NAV1: variants seen among roughly 807,000 people sequenced by gnomAD.
NAV1 encodes neuron navigator 1, also known as pore membrane and/or filament interacting like protein 3.
A neutral mutation model predicts 175.2 loss-of-function variants in NAV1; 18 were observed. The observed-to-expected ratio is 0.10, with a 90% CI of 0.07 to 0.15. The LOEUF is 0.15. Among genes scored for constraint, NAV1 ranks in the 10% least tolerant of loss-of-function variants. The pLI, the probability that NAV1 is intolerant of heterozygous loss-of-function variation, is 1.00. For synonymous variants in NAV1, 897 were observed against 978.7 expected, an observed-to-expected ratio of 0.92 and a Z score of 1.56; for missense variants, 1,731 against 2,436.6, an observed-to-expected ratio of 0.71 and a Z score of 6.10.
chr1:201,764,705 G>T (rs1308866698), intron 3 of NAV1, among the ~76,000 whole-genome samples: 1 of 152,184 alleles, frequency 6.6e-6, no homozygotes, highest in Non-Finnish European at 1.5e-5. Context: ...CTAAAGCAGG[G>T]TGTTAGGAGG....
intron 1 of NAV1, among the ~76,000 whole-genome samples, chr1:201,710,161 T>TAA (rs33912942): frequency 2.7e-5 from 4 of 146,620 alleles, no homozygotes; most frequent in Non-Finnish European, 1.5e-5. Flanking sequence ...CATTTTTCCT[T>TAA]AAAAAAAAAA....
At chr1:201,756,870 T>TTCTTTCTTTC (rs1674538401) in intron 3 of NAV1, among the ~76,000 whole-genome samples, 3 of 109,818 alleles carry the variant, frequency 2.7e-5, no homozygotes, top group Non-Finnish European at 3.7e-5. Context: ...CTTTCTTTCT[T>TTCTTTCTTTC]TCTTTCTTTC....
chr1:201,602,651 G>GTTTTTTTTTT (rs375268009), intron 2 of NAV1, among the ~76,000 whole-genome samples: 1 of 112,752 alleles, frequency 8.9e-6, no homozygotes, highest in African/African-American at 3.2e-5. Flanking sequence ...TTTTTTTTTG[G>GTTTTTTTTTT]TTTTTTTTTT....
At position 201,810,243 on chromosome 1, in the gene NAV1, A is replaced by T. The variant is rs1192503566; in HGVS notation, c.4561+138A>T. 1 of 1,266,846 alleles carries T rather than the reference A, an allele frequency of 7.9e-7. No homozygotes were observed. Among genetic ancestry groups the T allele is most frequent in the South Asian group, 1.5e-5 (1 of 67,124 alleles). 78.5% of individuals were successfully genotyped at this position (1,266,846 alleles called of 1,614,324 possible). A position where few individuals can be genotyped will look rare whatever the true frequency, so the allele number is the denominator to read the frequency against. The stretch of plus-strand genomic sequence containing the variant: ...AAGATGCTTAAGTAATGTGAGATAT[A>T]AAAAGATGAGTAAGACCCAGTCCTA... On this transcript the variant is annotated intron_variant, in intron 23 of 29. Transcript: ENST00000367296. This position sits in a 1 kb window ranked among gnomAD's most constrained non-coding sequence, Gnocchi z 6.0.
chr1:201,815,545 A>T (rs1678972469), intron 28 of NAV1, among the ~76,000 whole-genome samples: 1 of 152,134 alleles, frequency 6.6e-6, no homozygotes, highest in Non-Finnish European at 1.5e-5. Context: ...TCAGAGCAGC[A>T]GAAAGTAGAA....
At chr1:201,563,424 C>A (rs750938395) in intron 1 of NAV1, among the ~76,000 whole-genome samples, 1 of 151,776 alleles carries the variant, frequency 6.6e-6, no homozygotes, top group Non-Finnish European at 1.5e-5. Flanking sequence ...GAAAAGCATA[C>A]GAGACCACAA....
intron 1 of NAV1, among the ~76,000 whole-genome samples, chr1:201,666,173 CGAT>C (rs1669816236): frequency 6.6e-6 from 1 of 152,024 alleles, no homozygotes; most frequent in African/African-American, 2.4e-5. Flanking sequence ...ACTGGGCCTC[CGAT>C]CTGCCCATGG....
At chr1:201,714,869 C>T (rs1672069041) in intron 2 of NAV1, among the ~76,000 whole-genome samples, 2 of 152,184 alleles carry the variant, frequency 1.3e-5, no homozygotes, top group Admixed American at 6.5e-5. Flanking sequence ...AGCAGCCAGC[C>T]CCCAGTCCCT....
intron 2 of NAV1, among the ~76,000 whole-genome samples, chr1:201,608,400 C>T (rs1308770433): frequency 6.6e-6 from 1 of 152,178 alleles, no homozygotes; most frequent in Non-Finnish European, 1.5e-5. Context: ...CTCAGATGCC[C>T]CTCTTGCTGT....
exon 30 of NAV1, chr1:201,825,558 C>T (rs1381008949): frequency 2.0e-5 from 3 of 152,306 alleles, no homozygotes; most frequent in Non-Finnish European, 2.9e-5. Context: ...CAGACCTGGG[C>T]ACTTCAGTCC....
At chr1:201,567,866 C>A (rs200159400) in intron 1 of NAV1, among the ~76,000 whole-genome samples, 1 of 151,790 alleles carries the variant, frequency 6.6e-6, no homozygotes, top group Non-Finnish European at 1.5e-5. Context: ...GCCTGCACAT[C>A]GAGAATGTCC....
chr1:201,576,531 A>G (rs1248706957), intron 1 of NAV1, among the ~76,000 whole-genome samples: 1 of 152,130 alleles, frequency 6.6e-6, no homozygotes, highest in Non-Finnish European at 1.5e-5. Flanking sequence ...CCTTGAGCCC[A>G]GGAGTTCAAG....
At chr1:201,739,992 C>A in intron 3 of NAV1, 1 of 1,453,796 alleles carries the variant, frequency 6.9e-7, no homozygotes, top group East Asian at 2.8e-5. Context: ...GCTGGGTGCC[C>A]ACCCGGTGAA....
At chr1:201,571,135 C>T (rs1350904195) in intron 1 of NAV1, among the ~76,000 whole-genome samples, 1 of 152,186 alleles carries the variant, frequency 6.6e-6, no homozygotes, top group African/African-American at 2.4e-5. Context: ...TGTGGACTCG[C>T]AGGCCCTGGC....
chr1:201,602,816 T>C (rs1667563834), intron 2 of NAV1, among the ~76,000 whole-genome samples: 1 of 151,912 alleles, frequency 6.6e-6, no homozygotes. Flanking sequence ...CTACTCACAC[T>C]CCTGCTGACT....
intron 15 of NAV1, chr1:201,798,537 A>G (rs1048542294): frequency 7.4e-5 from 11 of 148,342 alleles, no homozygotes; most frequent in African/African-American, 1.2e-4. Flanking sequence ...GCTTGAGCCC[A>G]GGAGGTAGAA....
chr1:201,605,528 TG>T (rs1667650117), intron 2 of NAV1, among the ~76,000 whole-genome samples: 1 of 152,052 alleles, frequency 6.6e-6, no homozygotes, highest in Non-Finnish European at 1.5e-5. Flanking sequence ...AGTCTGTCTG[TG>T]TGTGGGGATA....
At chr1:201,642,235 C>T (rs936281186) in intron 2 of NAV1, among the ~76,000 whole-genome samples, 6 of 137,776 alleles carry the variant, frequency 4.4e-5, no homozygotes, top group African/African-American at 5.6e-5. Flanking sequence ...CTTTCTTTCT[C>T]GGAGTCTTGG....
chr1:201,760,644 A>T (rs1157714913), intron 3 of NAV1, among the ~76,000 whole-genome samples: 1 of 152,240 alleles, frequency 6.6e-6, no homozygotes, highest in African/African-American at 2.4e-5. Flanking sequence ...TTGGTTTCTC[A>T]GTATTATTTT....
Sources: gnomAD v4.1 joint callset for allele counts (sites outside exome capture counted in the v4.1 genomes callset) on GRCh38, gnomAD v4.1.1 for gene constraint, Gnocchi (gnomAD v3.1) non-coding constraint, MANE v1.5 for transcripts, NCBI Gene and HGNC (gene_info 2026-07-23, HGNC 2026-07-21) for gene names.